The following ROBO2 variants were observed in gnomAD, a reference collection of about 807,000 sequenced individuals.
ROBO2 encodes roundabout guidance receptor 2.
A neutral mutation model predicts 160.8 loss-of-function variants in ROBO2; 53 were observed. That is an observed-to-expected ratio of 0.33 (90% CI 0.26 to 0.41). The LOEUF (loss-of-function observed/expected upper bound fraction) is 0.41. Ranked by LOEUF, ROBO2 falls within the 10% of genes least tolerant of loss-of-function variation. The pLI is 1.00. For synonymous variants in ROBO2, 664 were observed against 611.7 expected, an observed-to-expected ratio of 1.09 and a Z score of -1.26; for missense variants, 1,577 against 1,722.4, an observed-to-expected ratio of 0.92 and a Z score of 1.49.
At chr3:77,293,222 CT>C (rs1481794994) in intron 2 of ROBO2, among the ~76,000 whole-genome samples, 5 of 150,994 alleles carry the variant, frequency 3.3e-5, no homozygotes, top group Non-Finnish European at 7.4e-5. Flanking sequence ...TAAGCTGAGG[CT>C]AGATCACCCC....
chr3:77,376,311 C>A (rs1194620897), intron 2 of ROBO2, among the ~76,000 whole-genome samples: 2 of 151,808 alleles, frequency 1.3e-5, no homozygotes, highest in Admixed American at 1.3e-4. Context: ...TGCACCAGTA[C>A]ACCTGGCTAA....
intron 2 of ROBO2, among the ~76,000 whole-genome samples, chr3:76,079,611 G>A (rs889789993): frequency 6.6e-6 from 1 of 151,670 alleles, no homozygotes; most frequent in African/African-American, 2.4e-5. Flanking sequence ...AGCCTCCCGA[G>A]TAGCTGGGAT....
chr3:76,323,649 A>G (rs746953608), intron 2 of ROBO2, among the ~76,000 whole-genome samples: 1 of 152,208 alleles, frequency 6.6e-6, no homozygotes, highest in Admixed American at 6.5e-5. Flanking sequence ...CACAAGGGCA[A>G]ACTTGGAATT....
intron 2 of ROBO2, among the ~76,000 whole-genome samples, chr3:77,019,082 A>T (rs953635213): frequency 6.6e-6 from 1 of 152,216 alleles, no homozygotes; most frequent in Non-Finnish European, 1.5e-5. Context: ...GGGTTTCGGG[A>T]ACCTCAAAGA....
intron 2 of ROBO2, among the ~76,000 whole-genome samples, chr3:77,152,547 A>G (rs2077635753): frequency 6.6e-6 from 1 of 152,194 alleles, no homozygotes; most frequent in Non-Finnish European, 1.5e-5. Context: ...AAAGTGCCCC[A>G]TGAACAGAGA....
At chr3:76,627,433 C>T (rs2089725972) in intron 2 of ROBO2, among the ~76,000 whole-genome samples, 1 of 152,170 alleles carries the variant, frequency 6.6e-6, no homozygotes, top group Non-Finnish European at 1.5e-5. Flanking sequence ...GCTGTGCCCC[C>T]AGATAGGCAT....
At chr3:76,818,380 A>G (rs2065865536) in intron 2 of ROBO2, among the ~76,000 whole-genome samples, 1 of 151,314 alleles carries the variant, frequency 6.6e-6, no homozygotes, top group South Asian at 2.1e-4. Context: ...GTTTTTTTGT[A>G]GATTCTGGAT....
chr3:76,720,917 T>A (rs1444078680), intron 2 of ROBO2, among the ~76,000 whole-genome samples: 1 of 152,222 alleles, frequency 6.6e-6, no homozygotes, highest in African/African-American at 2.4e-5. Context: ...GTTACTAATT[T>A]CTTTTTGTCC....
chr3:76,833,416 G>A (rs1028353876), intron 2 of ROBO2, among the ~76,000 whole-genome samples: 1 of 152,158 alleles, frequency 6.6e-6, no homozygotes, highest in African/African-American at 2.4e-5. Context: ...TTTTGAGAGA[G>A]ATAAAAGTTT....
At chr3:77,382,344 T>C (rs2073591817) in intron 2 of ROBO2, among the ~76,000 whole-genome samples, 1 of 75,120 alleles carries the variant, frequency 1.3e-5, no homozygotes, top group Non-Finnish European at 3.1e-5. Context: ...AAAACACATG[T>C]CCTTTTTTTT....
intron 2 of ROBO2, among the ~76,000 whole-genome samples, chr3:76,763,464 A>G (rs1415867185): frequency 1.3e-5 from 2 of 151,728 alleles, no homozygotes; most frequent in South Asian, 2.1e-4. Context: ...AACTCTTCAT[A>G]TCAGATAAAT....
intron 2 of ROBO2, among the ~76,000 whole-genome samples, chr3:76,511,777 G>A (rs1005040551): frequency 1.3e-5 from 2 of 152,056 alleles, no homozygotes; most frequent in Non-Finnish European, 2.9e-5. Flanking sequence ...TATGTCAAAT[G>A]AGAGAAAAAT....
intron 2 of ROBO2, among the ~76,000 whole-genome samples, chr3:76,846,648 C>T (rs966982143): frequency 3.9e-5 from 6 of 152,014 alleles, no homozygotes; most frequent in Admixed American, 2.0e-4. Flanking sequence ...TTATTTTTAC[C>T]GATTTACTGG....
chr3:75,962,116 A>G (rs1352090545), intron 2 of ROBO2, among the ~76,000 whole-genome samples: 1 of 151,668 alleles, frequency 6.6e-6, no homozygotes, highest in Non-Finnish European at 1.5e-5. Flanking sequence ...TCTCAAAATT[A>G]GAGAAGTTTC....
chr3:75,957,234 GCACACACACACAAAACA>G (rs956149646), intron 2 of ROBO2, among the ~76,000 whole-genome samples: 1 of 95,888 alleles, frequency 1.0e-5, no homozygotes, highest in African/African-American at 3.2e-5. Flanking sequence ...AAACACACAC[GCACACACACACAAAACA>G]CACACACACA....
At chr3:77,132,636 G>A (rs1260166836) in intron 2 of ROBO2, among the ~76,000 whole-genome samples, 1 of 151,470 alleles carries the variant, frequency 6.6e-6, no homozygotes, top group Admixed American at 6.6e-5. Flanking sequence ...TTCAACTATT[G>A]CAAATAGATG....
intron 2 of ROBO2, among the ~76,000 whole-genome samples, chr3:76,214,486 G>T (rs1259690639): frequency 2.0e-5 from 3 of 152,168 alleles, no homozygotes; most frequent in Admixed American, 6.6e-5. Flanking sequence ...TTTCCAATGG[G>T]CTTAACAAAC....
chr3:77,382,025 A>C lies in ROBO2; in HGVS notation c.389-95389A>C, dbSNP rs77229633. 6.7e-3 allele frequency among the ~76,000 whole-genome samples: 1,020 copies of C among 152,268 alleles called. 12 individuals carry two copies. The highest frequency in any genetic ancestry group is 0.023 in the African/African-American group (971 of 41,546). On this transcript the variant is annotated intron_variant, in intron 2 of 25. Coordinates refer to ENST00000461745, the Ensembl canonical transcript of ROBO2. ...TAACGTGTATTAAATGCCCAAGCTA[A>C]GTTTGTCCTTGATGTTTGCAGAGAA...
At chr3:76,124,579 C>CT (rs542403313) in intron 2 of ROBO2, among the ~76,000 whole-genome samples, 14 of 152,086 alleles carry the variant, frequency 9.2e-5, no homozygotes, top group African/African-American at 2.9e-4. Context: ...ACATCATTTT[C>CT]TTTTTTTCAT....
Sources: allele counts gnomAD v4.1 joint callset (sites outside exome capture counted in the v4.1 genomes callset), GRCh38; gene constraint gnomAD v4.1.1; transcripts MANE v1.5; gene names NCBI Gene and HGNC (gene_info 2026-07-23, HGNC 2026-07-21).